The following LRRTM4 variants were observed in gnomAD, a reference collection of about 807,000 sequenced individuals.
LRRTM4 encodes leucine-rich repeat transmembrane neuronal protein 4.
In LRRTM4, 25 loss-of-function variants were observed where a neutral mutation model predicts 47.6. The observed-to-expected ratio is 0.53, with a 90% CI of 0.38 to 0.73. LRRTM4 has a LOEUF of 0.73. LRRTM4 is among the 30% of genes least tolerant of loss of function. The pLI, the probability that LRRTM4 is intolerant of heterozygous loss-of-function variation, is 0.00. For missense variants in LRRTM4, 638 were observed against 713.4 expected, an observed-to-expected ratio of 0.89 and a Z score of 1.20; for synonymous variants, 311 against 269.5, an observed-to-expected ratio of 1.15 and a Z score of -1.51.
At chr2:76,958,373 T>A (rs1383318371) in intron 3 of LRRTM4, among the ~76,000 whole-genome samples, 1 of 151,794 alleles carries the variant, frequency 6.6e-6, no homozygotes, top group East Asian at 1.9e-4. Context: ...CGAAGATAGA[T>A]AACTGAGCCC....
intron 3 of LRRTM4, among the ~76,000 whole-genome samples, chr2:77,462,302 A>G (rs1179467521): frequency 6.6e-6 from 1 of 152,090 alleles, no homozygotes; most frequent in Admixed American, 6.6e-5. Flanking sequence ...AATAAAACCA[A>G]ATCTTTCAAG....
intron 3 of LRRTM4, among the ~76,000 whole-genome samples, chr2:76,880,945 G>T (rs980023714): frequency 6.6e-6 from 1 of 152,088 alleles, no homozygotes; most frequent in Non-Finnish European, 1.5e-5. Context: ...TCTGGGAAGG[G>T]TACAGGGAGT....
At chr2:77,415,113 T>C (rs866603664) in intron 3 of LRRTM4, among the ~76,000 whole-genome samples, 24 of 152,320 alleles carry the variant, frequency 1.6e-4, no homozygotes, top group Non-Finnish European at 2.4e-4. Flanking sequence ...CTACAGATCA[T>C]ATTCACTGAA....
At chr2:77,108,287 GGGGA>G (rs1046258527) in intron 3 of LRRTM4, among the ~76,000 whole-genome samples, 7 of 152,004 alleles carry the variant, frequency 4.6e-5, no homozygotes, top group Non-Finnish European at 7.4e-5. Flanking sequence ...GGAGGCAGTG[GGGGA>G]GGAAGAAAAG....
At chr2:77,487,931 C>A (rs556740871) in intron 3 of LRRTM4, among the ~76,000 whole-genome samples, 1 of 152,262 alleles carries the variant, frequency 6.6e-6, no homozygotes, top group Non-Finnish European at 1.5e-5. Context: ...AATAAAGCAC[C>A]TCTTCACCTC....
chr2:76,952,853 A>G (rs1675541342), intron 3 of LRRTM4, among the ~76,000 whole-genome samples: 1 of 152,006 alleles, frequency 6.6e-6, no homozygotes, highest in South Asian at 2.1e-4. Flanking sequence ...CTACACAGTC[A>G]TAAAAAGAAT....
At chr2:77,479,145 C>T (rs1337693635) in intron 3 of LRRTM4, among the ~76,000 whole-genome samples, 34 of 152,154 alleles carry the variant, frequency 2.2e-4, no homozygotes, top group Admixed American at 2.2e-3. Flanking sequence ...ATCCACCTGT[C>T]TCGGCCCCCC....
intron 3 of LRRTM4, among the ~76,000 whole-genome samples, chr2:76,944,043 CAT>C (rs1471167135): frequency 6.6e-6 from 1 of 152,158 alleles, no homozygotes; most frequent in African/African-American, 2.4e-5. Context: ...CATCCAAAAA[CAT>C]ATGATCGCCC....
chr2:76,987,401 A>G (rs1676840900), intron 3 of LRRTM4: 1 of 151,870 alleles, frequency 6.6e-6, no homozygotes, highest in South Asian at 2.1e-4. Context: ...TCTTGGTAAT[A>G]TTAGGTGATG....
At position 77,151,143 on chromosome 2, in the gene LRRTM4, A is replaced by G. The variant is rs930641089; in HGVS notation, c.1551+367175T>C. On this transcript the variant is annotated intron_variant, in intron 3 of 3. Transcript: ENST00000409884. The stretch of plus-strand genomic sequence containing the variant: ...TGTGTGTGTGTGTGTGTGTGTGTGT[A>G]TGTATGTGTATATGTGTGTATGTGT... Among the ~76,000 whole-genome samples, 96 of 148,300 alleles carry G rather than the reference A, an allele frequency of 6.5e-4. 1 individual carries two copies. The highest frequency in any genetic ancestry group is 1.2e-3 in the Non-Finnish European group (82 of 67,488).
intron 3 of LRRTM4, among the ~76,000 whole-genome samples, chr2:76,947,444 A>G (rs1675358850): frequency 2.0e-5 from 3 of 151,916 alleles, no homozygotes; most frequent in Admixed American, 6.6e-5. Flanking sequence ...ACTAAATACA[A>G]TAATGTGGGA....
At chr2:77,246,096 C>T (rs1675438559) in intron 3 of LRRTM4, among the ~76,000 whole-genome samples, 1 of 152,126 alleles carries the variant, frequency 6.6e-6, no homozygotes, top group South Asian at 2.1e-4. Flanking sequence ...GTAAGCAAAG[C>T]TTCCTTTACT....
At chr2:77,177,323 G>A (rs1480021776) in intron 3 of LRRTM4, among the ~76,000 whole-genome samples, 1 of 152,120 alleles carries the variant, frequency 6.6e-6, no homozygotes, top group Non-Finnish European at 1.5e-5. Context: ...CTAGATTCAT[G>A]ATGAACAAAT....
At chr2:76,807,899 ACTTTTCTTT>A (rs1670584682) in intron 3 of LRRTM4, among the ~76,000 whole-genome samples, 2 of 143,312 alleles carry the variant, frequency 1.4e-5, no homozygotes, top group South Asian at 2.2e-4. Context: ...TTTCTTCTTT[ACTTTTCTTT>A]CTTTTCTTTC....
At chr2:76,855,415 C>T (rs1206416699) in intron 3 of LRRTM4, among the ~76,000 whole-genome samples, 1 of 152,166 alleles carries the variant, frequency 6.6e-6, no homozygotes, top group Non-Finnish European at 1.5e-5. Flanking sequence ...AGAAAGCATA[C>T]AGTCTACATT....
intron 3 of LRRTM4, among the ~76,000 whole-genome samples, chr2:77,266,340 C>A (rs1274986800): frequency 6.6e-6 from 1 of 151,856 alleles, no homozygotes; most frequent in Admixed American, 6.6e-5. Context: ...TATGCAAATT[C>A]AAAAGGCAAA....
intron 3 of LRRTM4, among the ~76,000 whole-genome samples, chr2:77,434,779 G>C (rs1008387553): frequency 3.3e-5 from 5 of 152,076 alleles, no homozygotes; most frequent in Non-Finnish European, 7.4e-5. Flanking sequence ...AGGTTACCAA[G>C]CCAATAGGTG....
At chr2:77,439,826 A>G (rs529333767) in intron 3 of LRRTM4, among the ~76,000 whole-genome samples, 1 of 152,234 alleles carries the variant, frequency 6.6e-6, no homozygotes, top group South Asian at 2.1e-4. Flanking sequence ...TCAGAACAAA[A>G]CTATGTAAAC....
intron 3 of LRRTM4, among the ~76,000 whole-genome samples, chr2:77,224,230 C>A (rs1222406341): frequency 1.3e-5 from 2 of 151,514 alleles, no homozygotes; most frequent in African/African-American, 4.9e-5. Flanking sequence ...TAAAGACTTA[C>A]ATGTTAGACC....
Sources: allele counts gnomAD v4.1 joint callset (sites outside exome capture counted in the v4.1 genomes callset), GRCh38; gene constraint gnomAD v4.1.1; transcripts MANE v1.5; gene names NCBI Gene and HGNC (gene_info 2026-07-23, HGNC 2026-07-21).